Variants in TCFL5 observed in about 807,000 individuals in gnomAD.
TCFL5 encodes transcription factor-like 5 protein.
In TCFL5, 9 loss-of-function variants were observed where a neutral mutation model predicts 44.3. That is an observed-to-expected ratio of 0.20 (90% CI 0.12 to 0.35). The LOEUF (loss-of-function observed/expected upper bound fraction) is 0.35, where lower values mean the gene tolerates loss of function less well. Among genes scored for constraint, TCFL5 ranks in the 10% least tolerant of loss-of-function variants. TCFL5 has a pLI of 1.00. For missense variants in TCFL5, 603 were observed against 613.4 expected, an observed-to-expected ratio of 0.98 and a Z score of 0.18; for synonymous variants, 319 against 271.6, an observed-to-expected ratio of 1.17 and a Z score of -1.72.
chr20:62,845,710 A>G (rs762619500), intron 5 of TCFL5: 1 of 1,606,772 alleles, frequency 6.2e-7, no homozygotes, highest in Non-Finnish European at 8.5e-7. Flanking sequence ...TTCCAATATG[A>G]CGAGGACTCG....
intron 4 of TCFL5, among the ~76,000 whole-genome samples, chr20:62,855,677 A>C (rs1040666656): frequency 6.6e-6 from 1 of 151,810 alleles, no homozygotes; most frequent in Non-Finnish European, 1.5e-5. Context: ...GAGGCAGGAG[A>C]ATCGCTTGAA....
At chr20:62,850,269 T>C (rs2063790537) in intron 5 of TCFL5, among the ~76,000 whole-genome samples, 1 of 152,146 alleles carries the variant, frequency 6.6e-6, no homozygotes, top group African/African-American at 2.4e-5. Context: ...CTGTAATTCC[T>C]ATGTTCACTA....
chr20:62,847,676 C>T (rs962988587), intron 5 of TCFL5, among the ~76,000 whole-genome samples: 6 of 152,214 alleles, frequency 3.9e-5, no homozygotes, highest in African/African-American at 7.2e-5. Context: ...GCTCTGCAGC[C>T]GAGAGGCCCT....
At position 62,841,997 on chromosome 20, in the gene TCFL5, C is replaced by A; in HGVS notation, c.1481G>T (p.Ser494Ile). 6.2e-7 allele frequency: 1 copy of A among 1,614,210 alleles called. No homozygotes were observed. Among genetic ancestry groups the A allele is most frequent in the Non-Finnish European group, 8.5e-7 (1 of 1,180,028 alleles). The change falls in exon 6 of 6, where the codon AGC (serine) becomes ATC (isoleucine). Residue 494 changes from serine to isoleucine, a missense_variant. Transcript: ENST00000335351. ...TCPAQGSLQSSPSMEIK is the reference protein window; with the variant it reads ...TCPAQGSLQSIPSMEIK Reference sequence around the variant, plus strand: ...CGATCACTTGATCTCCATCGAGGGGCTGCTCTGTAAACTCCCCTGTGCAGG... The same window carrying A: ...CGATCACTTGATCTCCATCGAGGGGATGCTCTGTAAACTCCCCTGTGCAGG...
At chr20:62,859,322 A>C (rs751437565) in intron 3 of TCFL5, 42 bp downstream of exon 3, 6 of 1,586,280 alleles carry the variant, frequency 3.8e-6, no homozygotes, top group Non-Finnish European at 5.2e-6. Context: ...CACAGGGCTC[A>C]GTCAGAAGAA....
At chr20:62,849,509 C>T (rs1156689681) in intron 5 of TCFL5, among the ~76,000 whole-genome samples, 1 of 152,134 alleles carries the variant, frequency 6.6e-6, no homozygotes, top group Non-Finnish European at 1.5e-5. Flanking sequence ...TCATCAAATG[C>T]AGTGCATAAT....
chr20:62,860,809 G>A (rs956476456), intron 1 of TCFL5, among the ~76,000 whole-genome samples: 1 of 152,218 alleles, frequency 6.6e-6, no homozygotes, highest in Non-Finnish European at 1.5e-5. Context: ...GAGGGAGGGG[G>A]TGTTTAGTTT....
At position 62,850,234 on chromosome 20, in the gene TCFL5, T is replaced by A. The variant is rs147483562; in HGVS notation, c.1380+3782A>T. ...TACGGTAAATGTTCATTGCTGAGAC[T>A]GAAGCATGGGTGTACAGGTGTTCAC... On this transcript the variant is annotated intron_variant, in intron 5 of 5. Transcript: ENST00000335351. Among the ~76,000 whole-genome samples, 6 of 152,296 alleles carry A rather than the reference T, an allele frequency of 3.9e-5. No homozygotes were observed. The South Asian group carries it at 1.2e-3, about 32-fold the overall frequency.
intron 5 of TCFL5, among the ~76,000 whole-genome samples, chr20:62,848,166 G>T (rs2063767442): frequency 6.6e-6 from 1 of 152,228 alleles, no homozygotes; most frequent in Admixed American, 6.5e-5. Flanking sequence ...CGACACCGGG[G>T]CCTGATGCAG....
At position 62,841,440 on chromosome 20, in the gene TCFL5, A is replaced by ACAC. The variant is rs2063679221; in HGVS notation, c.*532_*534dup. On this transcript the variant is annotated 3_prime_UTR_variant, in exon 6 of 6. Coordinates refer to ENST00000335351, the MANE Select transcript of TCFL5 (RefSeq NM_006602.4). ...AGCAAGTATCTGGAAAATTTTTAGC[A>ACAC]CACAGGTTTAAAATGGTCCTGCACG... is the stretch of plus-strand genomic sequence containing the variant. 6.5e-6 allele frequency: 1 copy of ACAC among 153,518 alleles called. No homozygotes were observed. The highest frequency in any genetic ancestry group is 1.4e-5 in the Non-Finnish European group (1 of 69,022). The allele number at this position is 153,518 out of a possible 1,614,324, so 9.5% of individuals were successfully genotyped here.
chr20:62,852,442 C>T (rs575205005), intron 5 of TCFL5: 17 of 985,498 alleles, frequency 1.7e-5, no homozygotes, highest in Middle Eastern at 1.0e-3. Flanking sequence ...CTGTGACTGA[C>T]ACCTTCTTCC....
rs145305885 is a variant in TCFL5 at position 62,857,373 on chromosome 20, G to T, written c.1238+22C>A. ...AAGGTAATCATATATGAGTCAGCCT[G>T]ACAAGCAGTCACACGTATTACCTTC... On this transcript the variant is annotated intron_variant, in intron 4 of 5. Transcript: ENST00000335351. 7 of 1,612,150 alleles carry T rather than the reference G, an allele frequency of 4.3e-6. No homozygotes were observed. The South Asian group carries it at 7.7e-5, about 18-fold the overall frequency.
intron 4 of TCFL5, among the ~76,000 whole-genome samples, chr20:62,855,717 G>A (rs536684017): frequency 6.6e-6 from 1 of 152,222 alleles, no homozygotes; most frequent in Admixed American, 6.5e-5. Context: ...GTTGAACCGA[G>A]ATCGTGCCAT....
In TCFL5 at chr20:62,859,377, C is replaced by G; in HGVS notation, c.981G>C (p.Trp327Cys). The G allele has an allele frequency of 6.2e-7, 1 of 1,606,734 alleles. No homozygotes were observed. The highest frequency in any genetic ancestry group is 1.3e-5 in the African/African-American group (1 of 74,806). Residue 327 changes from tryptophan (W) to cysteine (C), a missense_variant, in exon 3 of 6, where the codon TGG becomes TGC. This residue lies in a region of TCFL5 where 540 missense variants were observed against 478.7 expected (regional missense o/e 1.13). Transcript: ENST00000335351. Reference sequence around the variant, plus strand: ...TTCATCGCTTACCTCCCACTTTAATCCAAACTTGCTCAGGCAAAACTTTGT... The same window carrying G: ...TTCATCGCTTACCTCCCACTTTAATGCAAACTTGCTCAGGCAAAACTTTGT... ...SRNKVLPEQVWIKVGEAALCK... is the reference protein window; with the variant it reads ...SRNKVLPEQVCIKVGEAALCK...
chr20:62,844,909 T>A (rs1335681800), intron 5 of TCFL5: 1 of 985,098 alleles, frequency 1.0e-6, no homozygotes, highest in Non-Finnish European at 1.2e-6. Flanking sequence ...GTAGTCTTTT[T>A]GTTGCTGAGT....
At chr20:62,857,125 G>C (rs943508828) in intron 4 of TCFL5, among the ~76,000 whole-genome samples, 1 of 152,114 alleles carries the variant, frequency 6.6e-6, no homozygotes, top group East Asian at 1.9e-4. Flanking sequence ...CTCCCCACGC[G>C]CCTTTGCTGA....
At chr20:62,854,973 T>C (rs2063865931) in intron 4 of TCFL5, among the ~76,000 whole-genome samples, 1 of 152,232 alleles carries the variant, frequency 6.6e-6, no homozygotes, top group Non-Finnish European at 1.5e-5. Context: ...GTCTACGCAG[T>C]AGAGCTAGAA....
At chr20:62,860,092 A>G (rs1229276739) in intron 2 of TCFL5, 33 bp downstream of exon 2, 1 of 1,578,252 alleles carries the variant, frequency 6.3e-7, no homozygotes, top group African/African-American at 1.4e-5. Context: ...ATTTAATACA[A>G]AAGAGCAAAG....
In TCFL5 at chr20:62,860,244, A is replaced by G. The variant is rs1474046676; in HGVS notation, c.712T>C (p.Cys238Arg). Residue 238 changes from cysteine (C) to arginine (R), a missense_variant, in exon 2 of 6, where the codon TGT (cysteine) becomes CGT (arginine). Cys to Arg is a radical substitution (Grantham distance 180, BLOSUM62 -3). Transcript: ENST00000335351. ...GTTTTATTTTTCACTAATGCTGTAC[A>G]TTTGTTTTGTTGCTGAAGAGGAACA... Reference protein sequence around the residue: ...MNVPLQQQNKCTALVKNKTAA... With the variant: ...MNVPLQQQNKRTALVKNKTAA... The G allele has an allele frequency of 1.2e-6, 2 of 1,613,684 alleles. No homozygotes were observed. The highest frequency in any genetic ancestry group is 2.7e-5 in the African/African-American group (2 of 74,916).
Sources: allele counts gnomAD v4.1 joint callset (sites outside exome capture counted in the v4.1 genomes callset), GRCh38; gene constraint gnomAD v4.1.1; regional missense constraint gnomAD v4.1.1; transcripts MANE v1.5; gene names NCBI Gene and HGNC (gene_info 2026-07-23, HGNC 2026-07-21).